Variants in COL24A1 observed in about 807,000 individuals in gnomAD.
The protein encoded by COL24A1 is collagen alpha-1(XXIV) chain.
In COL24A1, 224 loss-of-function variants were observed where a neutral mutation model predicts 253.9. The observed-to-expected ratio is 0.88, with a 90% CI of 0.79 to 0.99. The LOEUF is 0.99. COL24A1 is among the 50% of genes least tolerant of loss of function. The pLI is 0.00. For missense variants in COL24A1, 2,131 were observed against 2,068.5 expected (o/e 1.03, Z -0.59); for synonymous variants, 685 against 673.7 (o/e 1.02, Z -0.26).
At chr1:85,886,707 C>G (rs574635463) in intron 32 of COL24A1, among the ~76,000 whole-genome samples, 1 of 152,050 alleles carries the variant, frequency 6.6e-6, no homozygotes, top group East Asian at 1.9e-4. Flanking sequence ...AGACTACTTG[C>G]TTTTGTATTT....
intron 19 of COL24A1, among the ~76,000 whole-genome samples, chr1:85,989,186 T>A (rs1571494858): frequency 6.6e-6 from 1 of 152,052 alleles, no homozygotes; most frequent in Non-Finnish European, 1.5e-5. Context: ...CACTAGCTAG[T>A]CTAAAATTGA....
chr1:86,006,418 T>C (rs1695964352), intron 19 of COL24A1, among the ~76,000 whole-genome samples: 1 of 152,220 alleles, frequency 6.6e-6, no homozygotes, highest in Non-Finnish European at 1.5e-5. Context: ...GCAAAGATAG[T>C]CTTTTCAACA....
intron 57 of COL24A1, among the ~76,000 whole-genome samples, chr1:85,739,556 C>T (rs1230356504): frequency 1.3e-5 from 2 of 152,204 alleles, no homozygotes; most frequent in Non-Finnish European, 2.9e-5. Context: ...TTTGCATTTT[C>T]TCCCTGAAAA....
At chr1:86,090,373 C>G (rs1703406091) in intron 6 of COL24A1, among the ~76,000 whole-genome samples, 1 of 152,106 alleles carries the variant, frequency 6.6e-6, no homozygotes, top group Non-Finnish European at 1.5e-5. Context: ...AAACTTACAC[C>G]ATTTAAAAAC....
chr1:85,875,927 A>T (rs1681112961), intron 33 of COL24A1, among the ~76,000 whole-genome samples: 1 of 152,080 alleles, frequency 6.6e-6, no homozygotes. Flanking sequence ...TGTCTCCAAG[A>T]GATATTTACC....
At chr1:85,788,730 T>C (rs1311623422) in intron 47 of COL24A1, among the ~76,000 whole-genome samples, 1 of 152,232 alleles carries the variant, frequency 6.6e-6, no homozygotes, top group Admixed American at 6.5e-5. Context: ...CATGAGTTAA[T>C]CTTTGTATAA....
intron 24 of COL24A1, among the ~76,000 whole-genome samples, chr1:85,926,730 T>A (rs1192315950): frequency 6.6e-6 from 1 of 152,118 alleles, no homozygotes. Context: ...GACAAGTTAA[T>A]GGGTGTAGCA....
chr1:86,119,985 C>T (rs1055414350), intron 3 of COL24A1, among the ~76,000 whole-genome samples: 4 of 152,118 alleles, frequency 2.6e-5, no homozygotes, highest in South Asian at 2.1e-4. Flanking sequence ...AGAAATAACA[C>T]CACACATCTA....
intron 12 of COL24A1, among the ~76,000 whole-genome samples, chr1:86,039,429 A>T (rs1243399641): frequency 6.6e-6 from 1 of 152,206 alleles, no homozygotes; most frequent in Non-Finnish European, 1.5e-5. Flanking sequence ...GTTTAAATGT[A>T]TATAAAATAA....
At chr1:85,899,549 G>C (rs898116964) in intron 28 of COL24A1, among the ~76,000 whole-genome samples, 1 of 152,176 alleles carries the variant, frequency 6.6e-6, no homozygotes, top group Non-Finnish European at 1.5e-5. Flanking sequence ...TAGTGATAGA[G>C]AGTTAGAAAG....
chr1:86,111,011 T>C lies in COL24A1; in HGVS notation c.1599+1556A>G, dbSNP rs1705527597. On this transcript the variant is annotated intron_variant, in intron 5 of 59. Coordinates refer to ENST00000370571, the MANE Select transcript of COL24A1 (RefSeq NM_152890.7). ...CGCTAGGGGAAGCCAGCTGGGCTCCTGAGTATGGTGGGGACTTGGAGAACT... is the reference window on the plus strand; with the variant it reads ...CGCTAGGGGAAGCCAGCTGGGCTCCCGAGTATGGTGGGGACTTGGAGAACT... Among the ~76,000 whole-genome samples, 3 of 152,340 alleles carry C rather than the reference T, an allele frequency of 2.0e-5. No individual in the cohort carries two copies. In the East Asian group the frequency reaches 5.8e-4, roughly 29 times the overall value.
chr1:85,757,005 C>T (rs1372915072), intron 55 of COL24A1, among the ~76,000 whole-genome samples: 3 of 152,058 alleles, frequency 2.0e-5, no homozygotes, highest in South Asian at 2.1e-4. Context: ...CTAGAGTAGT[C>T]GAATTCATAG....
chr1:85,820,099 C>T (rs1368477295), intron 45 of COL24A1, among the ~76,000 whole-genome samples: 3 of 152,042 alleles, frequency 2.0e-5, no homozygotes, highest in Non-Finnish European at 4.4e-5. Context: ...CTGCCCTCCT[C>T]GGCCTCCCAA....
chr1:85,980,848 G>T (rs1693185919), intron 20 of COL24A1, among the ~76,000 whole-genome samples: 1 of 152,100 alleles, frequency 6.6e-6, no homozygotes. Context: ...GGCGGAGCTT[G>T]CAGTGAGCCA....
chr1:86,151,502 T>C (rs1652771179), intron 1 of COL24A1, among the ~76,000 whole-genome samples: 1 of 152,172 alleles, frequency 6.6e-6, no homozygotes, highest in South Asian at 2.1e-4. Context: ...ACACTCTGCA[T>C]GAGTCTGGCT....
At chr1:85,903,742 A>C (rs1420657640) in intron 28 of COL24A1, among the ~76,000 whole-genome samples, 1 of 152,154 alleles carries the variant, frequency 6.6e-6, no homozygotes, top group Non-Finnish European at 1.5e-5. Context: ...TAAATTCATA[A>C]ATGATCAATT....
rs762118085 is a variant in COL24A1 at position 85,784,379 on chromosome 1, C to A, written c.4060-13G>T. The A allele has an allele frequency of 6.3e-7, 1 of 1,580,074 alleles. No individual in the cohort carries two copies. The highest frequency in any genetic ancestry group is 1.7e-5 in the Admixed American group (1 of 59,816). On this transcript the variant is annotated splice_polypyrimidine_tract_variant and intron_variant, in intron 48 of 59. Coordinates refer to ENST00000370571, the MANE Select transcript of COL24A1 (RefSeq NM_152890.7). ...GCCCTTGTTCACCCTATGGGTAGAA[C>A]AAAGAAAAGCGATCTTTACATCAGA...
At chr1:85,868,718 G>A (rs1006244411) in intron 36 of COL24A1, 64 bp downstream of exon 36, 1 of 1,407,060 alleles carries the variant, frequency 7.1e-7, no homozygotes, top group Admixed American at 2.0e-5. Flanking sequence ...AAACAATGAT[G>A]TCTAATATTT....
chr1:86,106,156 A>G (rs183204649), intron 5 of COL24A1, among the ~76,000 whole-genome samples: 40 of 152,248 alleles, frequency 2.6e-4, no homozygotes, highest in African/African-American at 8.9e-4. Context: ...GTAAGCATCT[A>G]TACTTAAGAT....
Sources: allele counts gnomAD v4.1 joint callset (sites outside exome capture counted in the v4.1 genomes callset), GRCh38; gene constraint gnomAD v4.1.1; transcripts MANE v1.5; gene names NCBI Gene and HGNC (gene_info 2026-07-23, HGNC 2026-07-21).